The following OSBPL9 variants were observed in gnomAD, a reference collection of about 807,000 sequenced individuals.
OSBPL9 encodes the protein oxysterol binding protein like 9.
OSBPL9 carries 40 observed loss-of-function variants against 106.6 expected under a neutral mutation model. The ratio of observed to expected loss-of-function variants is 0.38; its 90% CI spans 0.29 to 0.49. The LOEUF is 0.49. OSBPL9 is among the 20% of genes least tolerant of loss of function. The pLI is 0.97. For missense variants in OSBPL9, 609 were observed against 887.2 expected, an observed-to-expected ratio of 0.69 and a Z score of 3.98; for synonymous variants, 269 against 295.4, an observed-to-expected ratio of 0.91 and a Z score of 0.92.
At chr1:51,626,248 T>C (rs2148639984) in intron 1 of OSBPL9, among the ~76,000 whole-genome samples, 1 of 152,260 alleles carries the variant, frequency 6.6e-6, no homozygotes, top group East Asian at 1.9e-4. Flanking sequence ...TTTTGATATA[T>C]CTATTTTCCT....
chr1:51,780,089 A>G lies in OSBPL9; in HGVS notation c.1257-1075A>G, dbSNP rs536164902. Among the ~76,000 whole-genome samples, 18 of 152,080 alleles carry G rather than the reference A, an allele frequency of 1.2e-4. No individual in the cohort carries two copies. The South Asian group carries it at 3.5e-3, about 30-fold the overall frequency. ...CGAGACTCCATCTCAAAAAGAAAAA[A>G]AAAAAAAAGGCCAACAAACATGAAA... On this transcript the variant is annotated intron_variant, in intron 15 of 23. Transcript: ENST00000428468.
the OSBPL9 span, among the ~76,000 whole-genome samples, chr1:51,556,827 G>GTATATATATACATATATATGTA: frequency 3.4e-5 from 5 of 148,330 alleles, no homozygotes; most frequent in South Asian, 1.1e-3. Context: ...ATATATATGT[G>GTATATATATACATATATATGTA]TATATATATA....
Position 51,769,436 on chromosome 1 carries a change from A to C in OSBPL9, c.939-2634A>C, listed in dbSNP as rs7553362. ...GTTTGAAATGGCTCCACTACTCACC[A>C]GCTGTATGACTTCAGACCAGTCATT... On this transcript the variant is annotated intron_variant, in intron 12 of 23. Transcript: ENST00000428468. Among the ~76,000 whole-genome samples, 358 of 152,264 alleles carry C rather than the reference A, an allele frequency of 2.4e-3. 1 individual carries two copies. The highest frequency in any genetic ancestry group is 8.3e-3 in the African/African-American group (343 of 41,544).
chr1:51,520,710 G>A, the OSBPL9 span, among the ~76,000 whole-genome samples: 1 of 152,210 alleles, frequency 6.6e-6, no homozygotes. Flanking sequence ...CAAGACCCAG[G>A]ATGGAGTTAG....
At chr1:51,658,556 T>G (rs1401450974) in intron 2 of OSBPL9, among the ~76,000 whole-genome samples, 1 of 152,224 alleles carries the variant, frequency 6.6e-6, no homozygotes, top group Non-Finnish European at 1.5e-5. Context: ...TTTTACTCCA[T>G]CCAGTGAAAC....
chr1:51,768,098 C>G (rs1030279788), intron 12 of OSBPL9, among the ~76,000 whole-genome samples: 2 of 151,632 alleles, frequency 1.3e-5, no homozygotes, highest in Non-Finnish European at 2.9e-5. Context: ...CCCGCCACCA[C>G]GCCTGGCTAG....
intron 1 of OSBPL9, among the ~76,000 whole-genome samples, chr1:51,593,944 G>A (rs1421515720): frequency 6.6e-5 from 6 of 90,358 alleles, no homozygotes; most frequent in African/African-American, 1.7e-4. Flanking sequence ...ACACACACAC[G>A]AAGAGCATCA....
the OSBPL9 span, among the ~76,000 whole-genome samples, chr1:51,558,188 G>A: frequency 6.6e-6 from 1 of 152,084 alleles, no homozygotes; most frequent in Non-Finnish European, 1.5e-5. Flanking sequence ...GCTGAGGCAG[G>A]AGAATGGTGT....
At chr1:51,661,346 G>A (rs540409537) in intron 2 of OSBPL9, among the ~76,000 whole-genome samples, 3 of 152,288 alleles carry the variant, frequency 2.0e-5, no homozygotes, top group East Asian at 3.9e-4. Context: ...ACCCCAAGCC[G>A]TGAGAGCAAA....
intron 12 of OSBPL9, among the ~76,000 whole-genome samples, chr1:51,770,289 A>T (rs1047296303): frequency 6.6e-6 from 1 of 152,040 alleles, no homozygotes; most frequent in South Asian, 2.1e-4. Context: ...CTACAGGCGC[A>T]TGCCACCACG....
chr1:51,788,277 C>G lies in OSBPL9; in HGVS notation c.*488C>G, dbSNP rs936654485. Reference sequence around the variant, plus strand: ...CTGCCTACTGTAAATATGGGTTCCTCTGAGTTGTTTTAGAAAATTAGCGCA... The same window carrying G: ...CTGCCTACTGTAAATATGGGTTCCTGTGAGTTGTTTTAGAAAATTAGCGCA... On this transcript the variant is annotated 3_prime_UTR_variant, in exon 24 of 24. Transcript: ENST00000428468. The G allele has an allele frequency of 6.5e-6, 1 of 152,926 alleles. No individual in the cohort carries two copies. Among genetic ancestry groups the G allele is most frequent in the African/African-American group, 2.4e-5 (1 of 41,414 alleles). 9.5% of individuals were successfully genotyped at this position (152,926 alleles called of 1,614,324 possible). A position where few individuals can be genotyped will look rare whatever the true frequency, so the allele number is the denominator to read the frequency against.
At chr1:51,570,552 A>G in the OSBPL9 span, among the ~76,000 whole-genome samples, 1 of 152,230 alleles carries the variant, frequency 6.6e-6, no homozygotes, top group Admixed American at 6.5e-5. Context: ...TTACTTACTC[A>G]AGATGACAGA....
At chr1:51,753,588 C>T (rs1316801852) in intron 8 of OSBPL9, among the ~76,000 whole-genome samples, 2 of 152,248 alleles carry the variant, frequency 1.3e-5, no homozygotes, top group African/African-American at 2.4e-5. Flanking sequence ...GAATCAACTA[C>T]TTTGAGGGAG....
Position 51,783,935 on chromosome 1 carries a change from T to G in OSBPL9, c.1534T>G (p.Cys512Gly), listed in dbSNP as rs751377406. ...TTCAGTTTCAGCCTTTTATGCTGAG[T>G]GTTTTAACAAGAAGATACAATTCAA... Reference protein sequence around the residue: ...HPPISAFYAECFNKKIQFNAH... With the variant: ...HPPISAFYAEGFNKKIQFNAH... Residue 512 changes from cysteine (C) to glycine (G), a missense_variant, in exon 18 of 24, where the codon TGT becomes GGT. Cys to Gly is a radical substitution (Grantham distance 159). Around this residue, in one of 5 missense-constraint regions of OSBPL9, gnomAD observed 356 missense variants for 505.8 expected, o/e 0.70. Coordinates refer to ENST00000428468, the MANE Select transcript of OSBPL9 (RefSeq NM_024586.6). 1 of 1,613,612 alleles carries G rather than the reference T, an allele frequency of 6.2e-7. No homozygotes were observed. Among genetic ancestry groups the G allele is most frequent in the Non-Finnish European group, 8.5e-7 (1 of 1,179,528 alleles).
At chr1:51,598,485 G>A (rs977837180) in intron 2 of OSBPL9, among the ~76,000 whole-genome samples, 1 of 152,224 alleles carries the variant, frequency 6.6e-6, no homozygotes. Context: ...GCTGTCCGCT[G>A]TATTGTAGGA....
At chr1:51,601,938 G>A (rs1183237469) in intron 2 of OSBPL9, among the ~76,000 whole-genome samples, 1 of 150,508 alleles carries the variant, frequency 6.6e-6, no homozygotes, top group African/African-American at 2.4e-5. Flanking sequence ...CTCTCTGCTA[G>A]TCAACAGCAG....
At chr1:51,784,369 G>A in intron 19 of OSBPL9, 42 bp downstream of exon 19, 4 of 1,610,622 alleles carry the variant, frequency 2.5e-6, no homozygotes, top group Non-Finnish European at 3.4e-6. Context: ...AGACTCTGCT[G>A]TTCCTTGAGA....
At chr1:51,783,219 C>T (rs902018152) in intron 17 of OSBPL9, among the ~76,000 whole-genome samples, 1 of 152,022 alleles carries the variant, frequency 6.6e-6, no homozygotes, top group Non-Finnish European at 1.5e-5. Context: ...CTTGCTCTGT[C>T]CCCCAGGGTG....
chr1:51,691,272 A>ATTTT lies in OSBPL9; in HGVS notation c.241+21760_241+21761insTTTT, dbSNP rs1358388118. On this transcript the variant is annotated intron_variant, in intron 3 of 23. Transcript: ENST00000428468. ...AATAAACTAACCTTAGCTTGCTGTA[A>ATTTT]CTTTTTTTTTTTTTTTTTTTTTTTT... is the stretch of plus-strand genomic sequence containing the variant. Among the ~76,000 whole-genome samples the ATTTT allele has an allele frequency of 4.9e-4, 72 of 145,512 alleles. 1 individual carries two copies. The highest frequency in any genetic ancestry group is 6.3e-4 in the Non-Finnish European group (42 of 66,578).
Sources: gnomAD v4.1 joint callset for allele counts (sites outside exome capture counted in the v4.1 genomes callset) on GRCh38, gnomAD v4.1.1 for gene constraint, gnomAD v4.1.1 regional missense constraint, MANE v1.5 for transcripts, NCBI Gene and HGNC (gene_info 2026-07-23, HGNC 2026-07-21) for gene names.